Variants in KIRREL2 observed in about 807,000 individuals in gnomAD.
KIRREL2 encodes the protein kin of IRRE-like protein 2.
Under a neutral mutation model 73.4 loss-of-function variants are expected in KIRREL2, and 56 were observed. That is an observed-to-expected ratio of 0.76 (90% CI 0.62 to 0.95). KIRREL2 has a LOEUF of 0.95. KIRREL2 is among the 40% of genes least tolerant of loss of function. KIRREL2 has a pLI of 0.00. For missense variants in KIRREL2, 896 were observed against 935.0 expected (o/e 0.96, Z 0.54); for synonymous variants, 407 against 404.0 (o/e 1.01, Z -0.09).
intron 14 of KIRREL2, among the ~76,000 whole-genome samples, chr19:35,865,393 C>T (rs1334179028): frequency 1.3e-5 from 2 of 152,016 alleles, no homozygotes; most frequent in Non-Finnish European, 2.9e-5. Flanking sequence ...TCAAGTGATC[C>T]GCTCGCCCCA....
At chr19:35,855,054 T>C (rs1034212349), upstream of KIRREL2, among the ~76,000 whole-genome samples, 5 of 152,098 alleles carry the variant, frequency 3.3e-5, no homozygotes, top group Non-Finnish European at 7.4e-5. Context: ...CCAATATCGT[T>C]CCCAGGAACA....
Position 35,867,124 on chromosome 19 carries a change from GT to G in KIRREL2, c.*633del, listed in dbSNP as rs1974004652. The G allele has an allele frequency of 6.5e-6, 1 of 153,068 alleles. No individual in the cohort carries two copies. The highest frequency in any genetic ancestry group is 2.4e-5 in the African/African-American group (1 of 41,388). 9.5% of individuals were successfully genotyped at this position (153,068 alleles called of 1,614,324 possible). A position where few individuals can be genotyped will look rare whatever the true frequency, so the allele number is the denominator to read the frequency against. On this transcript the variant is annotated 3_prime_UTR_variant, in exon 15 of 15. Transcript: ENST00000360202. ...TATTTATGTTTAATAATAAAAAAAA[GT>G]CAAAGAGGCAAGTGTGTCTTAGGGA...
chr19:35,861,342 C>T, intron 9 of KIRREL2, 88 bp downstream of exon 9: 1 of 1,501,616 alleles, frequency 6.7e-7, no homozygotes, highest in Non-Finnish European at 8.8e-7. Flanking sequence ...GTGGGAGTGG[C>T]CTGGAAGGAG....
rs1973898815 is a variant in KIRREL2, at chr19:35,864,833, T to C, written c.1791+120T>C. ...TTTTTCCTTCTGTTGTCCTCAGAGT[T>C]GGGACTCAGCTCCCCACCCCACTCC... On this transcript the variant is annotated intron_variant, in intron 14 of 14. Coordinates refer to ENST00000360202, the MANE Select transcript of KIRREL2 (RefSeq NM_199180.4). 4.0e-6 allele frequency: 3 copies of C among 756,960 alleles called. No individual in the cohort carries two copies. The South Asian group carries it at 5.4e-5, about 14-fold the overall frequency. The allele number at this position is 756,960 out of a possible 1,614,324, so 46.9% of individuals were successfully genotyped here.
rs542470899 is a variant in KIRREL2, at chr19:35,860,118, G to C, written c.674-179G>C. ...CGGGGAGACTAGGAGAGGGCAGAAG[G>C]CTGGCACATTGAGGTAACTGGGGAA... On this transcript the variant is annotated intron_variant, in intron 5 of 14. Transcript: ENST00000360202. Among the ~76,000 whole-genome samples, 19 of 152,280 alleles carry C rather than the reference G, an allele frequency of 1.2e-4. No homozygotes were observed. The East Asian group carries it at 3.3e-3, about 26-fold the overall frequency.
intron 4 of KIRREL2, 56 bp downstream of exon 4, chr19:35,858,920 C>G: frequency 6.3e-7 from 1 of 1,581,452 alleles, no homozygotes; most frequent in Middle Eastern, 1.7e-4. Flanking sequence ...TTGGGTTACA[C>G]TCTGACCACA....
In KIRREL2 at chr19:35,866,193, A is replaced by G; in HGVS notation, c.1828A>G (p.Ser610Gly). The G allele has an allele frequency of 6.2e-7, 1 of 1,612,298 alleles. No homozygotes were observed. Among genetic ancestry groups the G allele is most frequent in the South Asian group, 1.1e-5 (1 of 90,962 alleles). Reference sequence around the variant, plus strand: ...CGGTTACTACAAGGTCCGAGGAGTCAGTGTGAGCCTGAGCCTTGGCGAAGC... The same window carrying G: ...CGGTTACTACAAGGTCCGAGGAGTCGGTGTGAGCCTGAGCCTTGGCGAAGC... Reference protein sequence around the residue: ...TNGYYKVRGVSVSLSLGEAPG... With the variant: ...TNGYYKVRGVGVSLSLGEAPG... The change falls in exon 15 of 15, where the codon AGT becomes GGT. Residue 610 changes from serine to glycine, a missense_variant. Physicochemically the swap from Ser to Gly is moderately conservative, Grantham distance 56. Transcript: ENST00000360202.
chr19:35,858,540 C>G lies in KIRREL2; in HGVS notation c.344C>G (p.Ala115Gly), dbSNP rs1295664334. Residue 115 changes from alanine (A) to glycine (G), a missense_variant, in exon 3 of 15, where the codon GCC becomes GGC. Ala to Gly is a moderately conservative substitution (Grantham distance 60). Coordinates refer to ENST00000360202, the MANE Select transcript of KIRREL2 (RefSeq NM_199180.4). ...CAAGCAGGCCTCCGCTCCAGACCAG[C>G]CCAACTGCACGTGCTGGGTAAGGAC... ...ATQAGLRSRPAQLHVLVPPEA... is the reference protein window; with the variant it reads ...ATQAGLRSRPGQLHVLVPPEA... 5 of 1,614,158 alleles carry G rather than the reference C, an allele frequency of 3.1e-6. No individual in the cohort carries two copies. Among genetic ancestry groups the G allele is most frequent in the Non-Finnish European group, 4.2e-6 (5 of 1,180,032 alleles).
upstream of KIRREL2, among the ~76,000 whole-genome samples, chr19:35,852,629 G>A (rs935473938): frequency 2.6e-5 from 4 of 151,998 alleles, no homozygotes; most frequent in East Asian, 1.9e-4. Flanking sequence ...CGCGTTCCTC[G>A]GTGCCTCCCC....
At chr19:35,863,424 A>ATT (rs1410982721) in intron 13 of KIRREL2, among the ~76,000 whole-genome samples, 2,700 of 120,298 alleles carry the variant, frequency 0.022, 117 homozygotes, top group African/African-American at 0.08. Flanking sequence ...CCCTGTCTCC[A>ATT]TTTTTTTTTT....
chr19:35,866,925 G>A lies in KIRREL2; in HGVS notation c.*433G>A, dbSNP rs574717927. On this transcript the variant is annotated 3_prime_UTR_variant, in exon 15 of 15. Coordinates refer to ENST00000360202, the MANE Select transcript of KIRREL2 (RefSeq NM_199180.4). ...CAGGCCCCACCCTGGCTCTCCCTGA[G>A]GGGAACTTTGCTCGGCCAATGGAAA... 1 of 203,324 alleles carries A rather than the reference G, an allele frequency of 4.9e-6. No homozygotes were observed. 12.6% of individuals were successfully genotyped at this position (203,324 alleles called of 1,614,324 possible).
intron 9 of KIRREL2, 57 bp downstream of exon 9, chr19:35,861,311 G>A: frequency 2.7e-6 from 4 of 1,507,172 alleles, no homozygotes; most frequent in Non-Finnish European, 3.5e-6. Flanking sequence ...GGAGCGGACA[G>A]AGGGGGCAAG....
At chr19:35,865,320 C>T (rs1018482126) in intron 14 of KIRREL2, among the ~76,000 whole-genome samples, 3 of 151,358 alleles carry the variant, frequency 2.0e-5, no homozygotes, top group African/African-American at 7.3e-5. Context: ...GCTAATTTTT[C>T]TTGTATTTTT....
chr19:35,861,701 G>GC (rs925619913), intron 10 of KIRREL2, 60 bp downstream of exon 10: 24 of 1,588,626 alleles, frequency 1.5e-5, no homozygotes, highest in Middle Eastern at 1.7e-4. Context: ...CTCCCACCTG[G>GC]CCCCCCGAAA....
At position 35,858,804 on chromosome 19, in the gene KIRREL2, T is replaced by G; in HGVS notation, c.462T>G (p.Pro154=). 1 of 1,614,198 alleles carries G rather than the reference T, an allele frequency of 6.2e-7. No individual in the cohort carries two copies. Among genetic ancestry groups the G allele is most frequent in the Non-Finnish European group, 8.5e-7 (1 of 1,180,030 alleles). The part of the protein sequence containing the change: ...LTCRSRGDAR[P]TPELLWFRDG... ...GTCGGAGCCGTGGGGATGCCCGCCC[T>G]ACCCCTGAATTGCTGTGGTTCCGAG... is the stretch of plus-strand genomic sequence containing the variant. Residue 154 remains proline, a synonymous_variant, in exon 4 of 15, where the codon CCT becomes CCG. Coordinates refer to ENST00000360202, the MANE Select transcript of KIRREL2 (RefSeq NM_199180.4).
upstream of KIRREL2, chr19:35,856,719 C>T: frequency 2.8e-6 from 1 of 361,302 alleles, no homozygotes; most frequent in Non-Finnish European, 5.2e-6. This position sits in a 1 kb window ranked among gnomAD's most constrained non-coding sequence, Gnocchi z 5.9. Context: ...GACCCCCTCC[C>T]TCCTCGAACC....
chr19:35,853,577 C>A (rs1973334301), upstream of KIRREL2, among the ~76,000 whole-genome samples: 1 of 152,194 alleles, frequency 6.6e-6, no homozygotes, highest in East Asian at 1.9e-4. Flanking sequence ...GATCTTGGTT[C>A]ATTGCAGCCT....
intron 4 of KIRREL2, among the ~76,000 whole-genome samples, 180 bp downstream of exon 4, chr19:35,859,044 T>C (rs1355013265): frequency 1.3e-5 from 2 of 152,194 alleles, no homozygotes; most frequent in African/African-American, 4.8e-5. Context: ...TCAAATTATG[T>C]CTCAGCCACT....
upstream of KIRREL2, among the ~76,000 whole-genome samples, chr19:35,852,951 T>G (rs915093258): frequency 6.6e-6 from 1 of 152,112 alleles, no homozygotes; most frequent in Non-Finnish European, 1.5e-5. Flanking sequence ...TATAGCACCA[T>G]GCCTGGCTAA....
Sources: gnomAD v4.1 joint callset for allele counts (sites outside exome capture counted in the v4.1 genomes callset) on GRCh38, gnomAD v4.1.1 for gene constraint, Gnocchi (gnomAD v3.1) non-coding constraint, MANE v1.5 for transcripts, NCBI Gene and HGNC (gene_info 2026-07-23, HGNC 2026-07-21) for gene names.